The following FGF20 variants were observed in gnomAD, a reference collection of about 807,000 sequenced individuals.
FGF20 encodes the protein fibroblast growth factor 20.
A neutral mutation model predicts 16.7 loss-of-function variants in FGF20; 8 were observed. The observed-to-expected ratio is 0.48, with a 90% confidence interval of 0.28 to 0.87. The LOEUF (loss-of-function observed/expected upper bound fraction) is 0.87, where lower values mean the gene tolerates loss of function less well. Among genes scored for constraint, FGF20 ranks in the 40% least tolerant of loss-of-function variants. The pLI is 0.10. For synonymous variants in FGF20, 161 were observed against 118.6 expected (o/e 1.36, Z -2.32); for missense variants, 397 against 281.4 (o/e 1.41, Z -2.94).
intron 2 of FGF20, among the ~76,000 whole-genome samples, chr8:16,994,749 G>A (rs905350078): frequency 6.6e-6 from 1 of 152,162 alleles, no homozygotes; most frequent in African/African-American, 2.4e-5. Context: ...GTCAATTCTT[G>A]ATGGAAATAA....
At chr8:16,996,285 C>G (rs761059721) in intron 1 of FGF20, among the ~76,000 whole-genome samples, 5 of 152,096 alleles carry the variant, frequency 3.3e-5, no homozygotes, top group Admixed American at 2.0e-4. Flanking sequence ...TTTAACTGAA[C>G]TAAGGAGAAA....
At position 16,992,900 on chromosome 8, in the gene FGF20, T is replaced by C. The variant is rs1809947485; in HGVS notation, c.*172A>G. 4.3e-6 allele frequency: 3 copies of C among 702,784 alleles called. No homozygotes were observed. The highest frequency in any genetic ancestry group is 1.9e-5 in the South Asian group (1 of 51,514). 43.5% of individuals were successfully genotyped at this position (702,784 alleles called of 1,614,324 possible). A position where few individuals can be genotyped will look rare whatever the true frequency, so the allele number is the denominator to read the frequency against. On this transcript the variant is annotated 3_prime_UTR_variant, in exon 3 of 3. Transcript: ENST00000180166. ...ATAAAGAGTGATCATGATCTATTTC[T>C]AGTCAAAATTTTTTTTGGTTTTTTT...
intron 1 of FGF20, among the ~76,000 whole-genome samples, chr8:17,000,385 C>A (rs1394733701): frequency 1.3e-5 from 2 of 152,086 alleles, no homozygotes; most frequent in Non-Finnish European, 2.9e-5. Context: ...CCCCCTTAAA[C>A]TGAGATTTAC....
At position 17,001,630 on chromosome 8, in the gene FGF20, C is replaced by T; in HGVS notation, c.286+117G>A. ...CTTGCACCGGATGGGTCCAGGGGAG[C>T]TCCGGGCTCCGCGCGGCGATGACGC... On this transcript the variant is annotated intron_variant, in intron 1 of 2. Coordinates refer to ENST00000180166, the MANE Select transcript of FGF20 (RefSeq NM_019851.3). 5 of 1,232,774 alleles carry T rather than the reference C, an allele frequency of 4.1e-6. No homozygotes were observed. In the South Asian group the frequency reaches 7.0e-5, roughly 17 times the overall value. 76.4% of individuals were successfully genotyped at this position (1,232,774 alleles called of 1,614,324 possible).
intron 2 of FGF20, 75 bp downstream of exon 2, chr8:16,995,580 G>C: frequency 1.7e-6 from 1 of 593,272 alleles, no homozygotes; most frequent in South Asian, 3.9e-5. Flanking sequence ...ATTCTTGGTA[G>C]ACATTTTAAT....
At chr8:17,001,461 G>A (rs1287515163) in intron 1 of FGF20, among the ~76,000 whole-genome samples, 1 of 152,108 alleles carries the variant, frequency 6.6e-6, no homozygotes, top group Non-Finnish European at 1.5e-5. Context: ...GGGGAAGGCA[G>A]GAAGGAGCTT....
chr8:16,998,806 G>A (rs1310278944), intron 1 of FGF20, among the ~76,000 whole-genome samples: 1 of 150,816 alleles, frequency 6.6e-6, no homozygotes, highest in Non-Finnish European at 1.5e-5. Flanking sequence ...TAGGTAAGCT[G>A]TTCCTGCTGT....
At chr8:16,998,831 G>C (rs1406894895) in intron 1 of FGF20, among the ~76,000 whole-genome samples, 4 of 149,242 alleles carry the variant, frequency 2.7e-5, no homozygotes, top group African/African-American at 9.9e-5. Context: ...TACTGTGTAG[G>C]AAAACTCCAT....
chr8:16,995,346 A>C (rs1044285582), intron 2 of FGF20, among the ~76,000 whole-genome samples: 1 of 152,234 alleles, frequency 6.6e-6, no homozygotes, highest in African/African-American at 2.4e-5. Context: ...GCAAGAAAAA[A>C]ATATTCTCCC....
chr8:16,997,519 C>G (rs367705358), intron 1 of FGF20, among the ~76,000 whole-genome samples: 8 of 152,224 alleles, frequency 5.3e-5, no homozygotes, highest in Non-Finnish European at 8.8e-5. Context: ...CTAATTCACT[C>G]TTTGTCAGAA....
intron 1 of FGF20, among the ~76,000 whole-genome samples, chr8:16,999,133 A>T (rs1258284325): frequency 6.6e-6 from 1 of 152,204 alleles, no homozygotes; most frequent in Non-Finnish European, 1.5e-5. Context: ...GGCCGCTAGG[A>T]TGTACTACAA....
intron 1 of FGF20, among the ~76,000 whole-genome samples, chr8:16,996,798 C>T (rs1454311456): frequency 6.6e-6 from 1 of 152,108 alleles, no homozygotes; most frequent in East Asian, 1.9e-4. Flanking sequence ...CTCAGAAAGG[C>T]TTATTGACTT....
intron 1 of FGF20, among the ~76,000 whole-genome samples, chr8:16,999,216 C>G (rs1333105272): frequency 2.0e-5 from 3 of 152,180 alleles, no homozygotes; most frequent in Non-Finnish European, 4.4e-5. Flanking sequence ...TATTTTGTTC[C>G]TATACATAGT....
chr8:17,001,046 C>T (rs371777773), intron 1 of FGF20, among the ~76,000 whole-genome samples: 45 of 150,782 alleles, frequency 3.0e-4, no homozygotes, highest in Middle Eastern at 3.4e-3. Flanking sequence ...CTCCCCCACC[C>T]CTCCCCCCCT....
At chr8:16,995,328 C>T (rs1301032798) in intron 2 of FGF20, among the ~76,000 whole-genome samples, 1 of 152,138 alleles carries the variant, frequency 6.6e-6, no homozygotes. Flanking sequence ...GTGAGAGAGT[C>T]TAACATGGCA....
chr8:16,996,502 C>T (rs1038814348), intron 1 of FGF20, among the ~76,000 whole-genome samples: 8 of 152,158 alleles, frequency 5.3e-5, no homozygotes, highest in Admixed American at 1.3e-4. Context: ...ATTCAACAAA[C>T]GGAAGCTATT....
intron 1 of FGF20, among the ~76,000 whole-genome samples, chr8:17,000,533 G>C (rs1272711815): frequency 6.6e-6 from 1 of 151,998 alleles, no homozygotes; most frequent in African/African-American, 2.4e-5. Flanking sequence ...ACGGATTGTG[G>C]GTGACAAATT....
rs926243609 is a variant in FGF20 at position 17,001,943 on chromosome 8, G to T, written c.90C>A (p.Ala30=). ...CGCCCAGCAGCGGCGGCCGCTCCCC[G>T]GCAGGAGGCAACAGGAAATGCGAAC... The part of the protein sequence containing the change: ...QVGSHFLLPP[A]GERPPLLGER... Residue 30 remains alanine (A), a synonymous_variant, in exon 1 of 3, where the codon GCC becomes GCA. Coordinates refer to ENST00000180166, the MANE Select transcript of FGF20 (RefSeq NM_019851.3). The T allele has an allele frequency of 8.7e-6, 13 of 1,497,892 alleles. No individual in the cohort carries two copies. Among genetic ancestry groups the T allele is most frequent in the Non-Finnish European group, 1.2e-5 (13 of 1,125,032 alleles). The allele number at this position is 1,497,892 out of a possible 1,614,324, so 92.8% of individuals were successfully genotyped here. A position where few individuals can be genotyped will look rare whatever the true frequency, so the allele number is the denominator to read the frequency against.
intron 1 of FGF20, 93 bp from the exon 2 acceptor site, chr8:16,995,851 G>A (rs1334503217): frequency 1.9e-5 from 12 of 637,396 alleles, no homozygotes; most frequent in East Asian, 8.0e-5. Flanking sequence ...AGCGGTAGTC[G>A]GCCATTATTG....
Sources: allele counts gnomAD v4.1 joint callset (sites outside exome capture counted in the v4.1 genomes callset), GRCh38; gene constraint gnomAD v4.1.1; transcripts MANE v1.5; gene names NCBI Gene and HGNC (gene_info 2026-07-23, HGNC 2026-07-21).